The following GAL3ST2 variants were observed in gnomAD, a reference collection of about 807,000 sequenced individuals.
GAL3ST2 encodes the protein galactose-3-O-sulfotransferase 2.
Under a neutral mutation model 12.9 loss-of-function variants are expected in GAL3ST2, and 16 were observed. The ratio of observed to expected loss-of-function variants is 1.24; its 90% confidence interval spans 0.84 to 1.88. The LOEUF (loss-of-function observed/expected upper bound fraction) is 1.88. GAL3ST2 is among the 40% of genes most tolerant of loss of function. The pLI, the probability that GAL3ST2 is intolerant of heterozygous loss-of-function variation, is 0.00. For synonymous variants in GAL3ST2, 302 were observed against 273.9 expected (o/e 1.10, Z -1.01); for missense variants, 639 against 571.8 (o/e 1.12, Z -1.20).
chr2:241,779,074 C>T (rs1034967736), intron 1 of GAL3ST2, among the ~76,000 whole-genome samples: 12 of 151,278 alleles, frequency 7.9e-5, no homozygotes, highest in Non-Finnish European at 1.8e-4. Context: ...CATTTCCCCC[C>T]ATTTTCTCTT....
At position 241,803,840 on chromosome 2, in the gene GAL3ST2, T is replaced by A; in HGVS notation, c.871T>A (p.Trp291Arg). Residue 291 changes from tryptophan (W) to arginine (R), a missense_variant, in exon 4 of 4, where the codon TGG becomes AGG. Coordinates refer to ENST00000192314, the MANE Select transcript of GAL3ST2 (RefSeq NM_022134.3). ...GTACGAGCATTTCAACCGCACCCTC[T>A]GGGCGCAGCTGCGCGCCGAGCTGGG... ...RLYEHFNRTL[W>R]AQLRAELGPR... 1 of 1,470,160 alleles carries A rather than the reference T, an allele frequency of 6.8e-7. No individual in the cohort carries two copies. The highest frequency in any genetic ancestry group is 8.9e-7 in the Non-Finnish European group (1 of 1,120,120). 91.1% of individuals were successfully genotyped at this position (1,470,160 alleles called of 1,614,324 possible).
In GAL3ST2 at chr2:241,803,823, A is replaced by G; in HGVS notation, c.854A>G (p.His285Arg). The change falls in exon 4 of 4, where the codon CAT becomes CGT. Residue 285 changes from histidine to arginine, a missense_variant. Transcript: ENST00000192314. ...WCALDWRLYE[H>R]FNRTLWAQLR... ...GCGCTGGACTGGCGCCTGTACGAGCATTTCAACCGCACCCTCTGGGCGCAG... is the reference window on the plus strand; with the variant it reads ...GCGCTGGACTGGCGCCTGTACGAGCGTTTCAACCGCACCCTCTGGGCGCAG... 4.7e-6 allele frequency: 7 copies of G among 1,492,264 alleles called. No homozygotes were observed. Among genetic ancestry groups the G allele is most frequent in the Non-Finnish European group, 6.2e-6 (7 of 1,129,306 alleles). 92.4% of individuals were successfully genotyped at this position (1,492,264 alleles called of 1,614,324 possible).
In GAL3ST2 at chr2:241,804,214, T is replaced by C; in HGVS notation, c.*48T>C. 2 of 1,342,384 alleles carry C rather than the reference T, an allele frequency of 1.5e-6. No individual in the cohort carries two copies. Among genetic ancestry groups the C allele is most frequent in the Non-Finnish European group, 1.9e-6 (2 of 1,034,400 alleles). The allele number at this position is 1,342,384 out of a possible 1,614,324, so 83.2% of individuals were successfully genotyped here. ...CCTCCTGCGGACACCAGCTCCTCTC[T>C]CCGCCGTCACCGGGGAGGCCGGGGA... On this transcript the variant is annotated 3_prime_UTR_variant, in exon 4 of 4. Transcript: ENST00000192314.
chr2:241,792,884 G>A (rs1356302259), intron 1 of GAL3ST2, among the ~76,000 whole-genome samples: 1 of 152,190 alleles, frequency 6.6e-6, no homozygotes, highest in African/African-American at 2.4e-5. Context: ...AGATAAATGT[G>A]TATCTGACTG....
chr2:241,777,387 G>A (rs569691537), intron 1 of GAL3ST2, among the ~76,000 whole-genome samples: 65 of 152,290 alleles, frequency 4.3e-4, no homozygotes, highest in Admixed American at 3.9e-3. Context: ...TTGCTGGAGC[G>A]TTGGTCATGC....
intron 1 of GAL3ST2, among the ~76,000 whole-genome samples, chr2:241,788,204 G>A (rs1214409860): frequency 6.6e-6 from 1 of 152,156 alleles, no homozygotes. Context: ...GTCATGGGCA[G>A]GTTCTTCTTA....
intron 1 of GAL3ST2, 47 bp from the exon 2 acceptor site, chr2:241,799,018 G>A: frequency 6.7e-6 from 10 of 1,503,210 alleles, no homozygotes; most frequent in Non-Finnish European, 9.2e-6. Flanking sequence ...GTGGGGGTGG[G>A]GCTGGCACGA....
intron 1 of GAL3ST2, among the ~76,000 whole-genome samples, chr2:241,786,601 C>T (rs1016318229): frequency 1.3e-5 from 2 of 152,092 alleles, no homozygotes; most frequent in Non-Finnish European, 2.9e-5. Flanking sequence ...TTGTTGGAAG[C>T]AAGTAAAACT....
At chr2:241,779,213 CATTTT>C (rs1699533253) in intron 1 of GAL3ST2, among the ~76,000 whole-genome samples, 1 of 97,142 alleles carries the variant, frequency 1.0e-5, no homozygotes, top group African/African-American at 4.1e-5. Context: ...TAGGAAAGCT[CATTTT>C]TTTTTTTTTT....
rs1442940687 is a variant in GAL3ST2 at position 241,803,667 on chromosome 2, C to A, written c.698C>A (p.Ser233Tyr). ...CTCATCGCCGAGCACCTGGACGAGT[C>A]CCTGGTGCTGCTGCGGCGCCGGCTG... is the stretch of plus-strand genomic sequence containing the variant. Reference protein sequence around the residue: ...LVLIAEHLDESLVLLRRRLRW... With the variant: ...LVLIAEHLDEYLVLLRRRLRW... The change falls in exon 4 of 4, where the codon TCC (serine) becomes TAC (tyrosine). Residue 233 changes from serine to tyrosine, a missense_variant. Transcript: ENST00000192314. 3.9e-6 allele frequency: 6 copies of A among 1,548,378 alleles called. No individual in the cohort carries two copies. In the African/African-American group the frequency reaches 6.9e-5, roughly 18 times the overall value.
intron 1 of GAL3ST2, among the ~76,000 whole-genome samples, chr2:241,787,539 C>CCTCCT (rs1373487392): frequency 2.5e-5 from 3 of 118,128 alleles, no homozygotes; most frequent in African/African-American, 1.4e-4. Flanking sequence ...AACTTCTCCT[C>CCTCCT]CTTTTTTTTT....
In GAL3ST2 at chr2:241,802,034, C is replaced by G. The variant is rs1340703846; in HGVS notation, c.373C>G (p.Gln125Glu). Residue 125 changes from glutamine to glutamate, a missense_variant and splice_region_variant, in exon 3 of 4, where the codon CAG becomes GAG. Coordinates refer to ENST00000192314, the MANE Select transcript of GAL3ST2 (RefSeq NM_022134.3). The surrounding 1 kb of genome is among the most constrained non-coding windows in gnomAD (Gnocchi z 4.8). The stretch of plus-strand genomic sequence containing the variant: ...CAACCACCTGAGGTTCAACCTGCCT[C>G]AGGTACCGCGGGCCTGCTGGGGAGG... ...MCNHLRFNLP[Q>E]VQKVMPNDTF... The G allele has an allele frequency of 2.5e-6, 4 of 1,608,468 alleles. No individual in the cohort carries two copies. In the African/African-American group the frequency reaches 5.3e-5, roughly 21 times the overall value.
intron 1 of GAL3ST2, among the ~76,000 whole-genome samples, chr2:241,779,903 T>G (rs903814190): frequency 6.6e-6 from 1 of 151,894 alleles, no homozygotes; most frequent in East Asian, 2.0e-4. Flanking sequence ...GGAGAATTGC[T>G]TGAACCTGGG....
chr2:241,779,815 G>A (rs991874008), intron 1 of GAL3ST2, among the ~76,000 whole-genome samples: 5 of 151,374 alleles, frequency 3.3e-5, no homozygotes, highest in East Asian at 2.0e-4. Flanking sequence ...GAGAAACCCC[G>A]TCTCTACTAA....
chr2:241,786,652 T>A lies in GAL3ST2; in HGVS notation c.29+9668T>A. On this transcript the variant is annotated intron_variant, in intron 1 of 3. Coordinates refer to ENST00000192314, the MANE Select transcript of GAL3ST2 (RefSeq NM_022134.3). Reference sequence around the variant, plus strand: ...GTTGTACAGCAAAATAAACTTTAGATCTTGACCAAATTTTGGGAGATCAGG... The same window carrying A: ...GTTGTACAGCAAAATAAACTTTAGAACTTGACCAAATTTTGGGAGATCAGG... 1.3e-5 allele frequency among the ~76,000 whole-genome samples: 2 copies of A among 152,076 alleles called. 1 individual carries two copies. The highest frequency in any genetic ancestry group is 2.9e-5 in the Non-Finnish European group (2 of 67,988).
Position 241,799,117 on chromosome 2 carries a change from G to A in GAL3ST2, c.82G>A (p.Ala28Thr), listed in dbSNP as rs149034294. The change falls in exon 2 of 4, where the codon GCC becomes ACC. Residue 28 changes from alanine to threonine, a missense_variant. Coordinates refer to ENST00000192314, the MANE Select transcript of GAL3ST2 (RefSeq NM_022134.3). ...CCTGGCCCTGACTCTGCTCCTGCTG[G>A]CCGGATTCCTGCACTCGGACTTAGA... is the stretch of plus-strand genomic sequence containing the variant. The part of the protein sequence containing the change: ...LLLALTLLLL[A>T]GFLHSDLELD... 1.6e-5 allele frequency: 26 copies of A among 1,613,662 alleles called. 2 individuals are homozygous for A. Among genetic ancestry groups the A allele is most frequent in the Middle Eastern group, 3.3e-4 (2 of 6,084 alleles).
chr2:241,803,406 A>C lies in GAL3ST2; in HGVS notation c.437A>C (p.Gln146Pro). The change falls in exon 4 of 4, where the codon CAG becomes CCG. Residue 146 changes from glutamine (Q) to proline (P), a missense_variant. Coordinates refer to ENST00000192314, the MANE Select transcript of GAL3ST2 (RefSeq NM_022134.3). ...YFSILRNPVF[Q>P]LESSFIYYKT... ...TCCATCCTGAGGAACCCCGTGTTCC[A>C]GCTGGAGTCCTCCTTCATCTACTAC... The C allele has an allele frequency of 6.2e-7, 1 of 1,612,902 alleles. No individual in the cohort carries two copies.
At chr2:241,799,513 G>T (rs1042776605) in intron 2 of GAL3ST2, among the ~76,000 whole-genome samples, 1 of 152,186 alleles carries the variant, frequency 6.6e-6, no homozygotes, top group African/African-American at 2.4e-5. Flanking sequence ...TCAGAACCGT[G>T]CTCAGGACAG....
chr2:241,802,101 G>C lies in GAL3ST2; in HGVS notation c.375+65G>C. ...GTGCCTGTGGCTGTGGGTCTGGGTG[G>C]TGTAGCCTGGAGGCTGGAGAGAAGG... On this transcript the variant is annotated intron_variant, in intron 3 of 3. Coordinates refer to ENST00000192314, the MANE Select transcript of GAL3ST2 (RefSeq NM_022134.3). This position sits in a 1 kb window ranked among gnomAD's most constrained non-coding sequence, Gnocchi z 4.8. The C allele has an allele frequency of 6.6e-7, 1 of 1,526,240 alleles. No individual in the cohort carries two copies. Among genetic ancestry groups the C allele is most frequent in the African/African-American group, 1.4e-5 (1 of 73,188 alleles). The allele number at this position is 1,526,240 out of a possible 1,614,324, so 94.5% of individuals were successfully genotyped here. A position where few individuals can be genotyped will look rare whatever the true frequency, so the allele number is the denominator to read the frequency against.
Sources: allele counts gnomAD v4.1 joint callset (sites outside exome capture counted in the v4.1 genomes callset), GRCh38; gene constraint gnomAD v4.1.1; non-coding constraint Gnocchi (gnomAD v3.1); transcripts MANE v1.5; gene names NCBI Gene and HGNC (gene_info 2026-07-23, HGNC 2026-07-21).